The following SLC4A4 variants were observed in gnomAD, a reference collection of about 807,000 sequenced individuals.
SLC4A4 encodes the protein electrogenic sodium bicarbonate cotransporter 1.
SLC4A4 carries 27 observed loss-of-function variants against 111.5 expected under a neutral mutation model. That is an observed-to-expected ratio of 0.24 (90% CI 0.18 to 0.33). The LOEUF (loss-of-function observed/expected upper bound fraction) is 0.33. Among genes scored for constraint, SLC4A4 ranks in the 10% least tolerant of loss-of-function variants. The pLI, the probability that SLC4A4 is intolerant of heterozygous loss-of-function variation, is 1.00. For missense variants in SLC4A4, 909 were observed against 1,315.5 expected (o/e 0.69, Z 4.78); for synonymous variants, 443 against 463.4 (o/e 0.96, Z 0.57).
intron 6 of SLC4A4, among the ~76,000 whole-genome samples, chr4:71,364,377 T>C (rs1238877694): frequency 1.3e-5 from 2 of 152,200 alleles, no homozygotes; most frequent in South Asian, 2.1e-4. Flanking sequence ...AATTATTAAA[T>C]AAGCAGAATG....
chr4:71,113,361 T>C (rs1374164476), intron 2 of SLC4A4, among the ~76,000 whole-genome samples: 1 of 152,190 alleles, frequency 6.6e-6, no homozygotes, highest in Non-Finnish European at 1.5e-5. Flanking sequence ...AGGCCCCAGA[T>C]ACTTCATTAG....
Position 71,085,856 on chromosome 4 carries a change from C to T in SLC4A4, c.-64-6874C>T, listed in dbSNP as rs200517616. On this transcript the variant is annotated intron_variant, in intron 1 of 26. Coordinates refer to the SLC4A4 transcript ENST00000649996. ...GTAGCGTGATGCCTCCAGCTTTGTT[C>T]TTTTAGCTTAGGATTGACTTGGCAA... Among the ~76,000 whole-genome samples the T allele has an allele frequency of 5.7e-4, 86 of 152,084 alleles. No homozygotes were observed. The East Asian group carries it at 0.015, about 26-fold the overall frequency.
At position 71,213,727 on chromosome 4, in the gene SLC4A4, T is replaced by A. The variant is rs554088002; in HGVS notation, c.-1-22849T>A. On this transcript the variant is annotated intron_variant, in intron 1 of 25. Coordinates refer to ENST00000264485, the MANE Select transcript of SLC4A4 (RefSeq NM_001098484.3). ...AGACCTTTGGGAGGTAATTAGGTTA[T>A]GAGGGTGGAGCCCTCATCAATGGGA... 5.9e-5 allele frequency among the ~76,000 whole-genome samples: 9 copies of A among 152,246 alleles called. No homozygotes were observed. The East Asian group carries it at 9.7e-4, about 16-fold the overall frequency.
At chr4:71,330,317 C>A (rs1184322543) in intron 3 of SLC4A4, among the ~76,000 whole-genome samples, 1 of 152,058 alleles carries the variant, frequency 6.6e-6, no homozygotes, top group Non-Finnish European at 1.5e-5. Flanking sequence ...ATATAAGTCT[C>A]ATAGAATGAG....
chr4:71,178,091 A>T (rs892420618), intron 2 of SLC4A4, among the ~76,000 whole-genome samples: 40 of 152,318 alleles, frequency 2.6e-4, no homozygotes, highest in Middle Eastern at 3.4e-3. Context: ...TGGGTACATA[A>T]CGAAATGAAG....
At chr4:71,069,086 A>T (rs899563729) in intron 1 of SLC4A4, among the ~76,000 whole-genome samples, 1 of 152,226 alleles carries the variant, frequency 6.6e-6, no homozygotes, top group Non-Finnish European at 1.5e-5. Context: ...TTGCCTATAC[A>T]ATACATATTC....
chr4:71,495,946 C>T (rs111967737), intron 15 of SLC4A4, among the ~76,000 whole-genome samples: 113 of 152,094 alleles, frequency 7.4e-4, no homozygotes, highest in African/African-American at 2.4e-3. Flanking sequence ...AATCTCTTCC[C>T]AGGAAAGAGC....
At chr4:71,418,282 T>C (rs972832398) in intron 7 of SLC4A4, among the ~76,000 whole-genome samples, 1 of 152,196 alleles carries the variant, frequency 6.6e-6, no homozygotes, top group Non-Finnish European at 1.5e-5. Context: ...AAGGAAAAAT[T>C]AGAAAATCAA....
At chr4:71,155,949 T>G (rs1288206245) in intron 2 of SLC4A4, among the ~76,000 whole-genome samples, 2 of 152,226 alleles carry the variant, frequency 1.3e-5, no homozygotes, top group South Asian at 2.1e-4. Flanking sequence ...CGCATAAACT[T>G]TGCAAGTCAT....
chr4:71,421,206 C>A (rs1687460275), intron 7 of SLC4A4, among the ~76,000 whole-genome samples: 1 of 152,008 alleles, frequency 6.6e-6, no homozygotes, highest in African/African-American at 2.4e-5. Flanking sequence ...ATAAAACAGA[C>A]TTTAAACCAA....
chr4:71,272,464 G>A (rs1722767057), intron 3 of SLC4A4, among the ~76,000 whole-genome samples: 1 of 152,064 alleles, frequency 6.6e-6, no homozygotes, highest in Non-Finnish European at 1.5e-5. Context: ...GATCTTCCTG[G>A]CTCTAATTAG....
At chr4:71,316,273 A>T (rs1726668682) in intron 3 of SLC4A4, among the ~76,000 whole-genome samples, 1 of 152,166 alleles carries the variant, frequency 6.6e-6, no homozygotes, top group Non-Finnish European at 1.5e-5. Flanking sequence ...TTACTTTTGA[A>T]AAAGTCTTGC....
At position 71,338,913 on chromosome 4, in the gene SLC4A4, A is replaced by G. The variant is rs1188844272; in HGVS notation, c.254-457A>G. On this transcript the variant is annotated intron_variant, in intron 3 of 25. Transcript: ENST00000264485. ...AGGGCATGAGCTTTAGGCATTGGACAGAGGGAGGGTGGGTGGGAGGCGGGG... is the reference window on the plus strand; with the variant it reads ...AGGGCATGAGCTTTAGGCATTGGACGGAGGGAGGGTGGGTGGGAGGCGGGG... 4 of 349,140 alleles carry G rather than the reference A, an allele frequency of 1.1e-5. No individual in the cohort carries two copies. The Admixed American group carries it at 2.7e-4, about 24-fold the overall frequency. 21.6% of individuals were successfully genotyped at this position (349,140 alleles called of 1,614,324 possible).
At chr4:71,420,145 G>C (rs1722292677) in intron 7 of SLC4A4, among the ~76,000 whole-genome samples, 1 of 152,346 alleles carries the variant, frequency 6.6e-6, no homozygotes, top group South Asian at 2.1e-4. Flanking sequence ...ACTTAAAGGA[G>C]CTGATGGAGC....
chr4:71,192,856 A>G (rs1427970235), intron 1 of SLC4A4, among the ~76,000 whole-genome samples: 1 of 152,142 alleles, frequency 6.6e-6, no homozygotes, highest in Non-Finnish European at 1.5e-5. Context: ...TCTTCAAGTC[A>G]TTACTTCCCA....
chr4:71,192,528 G>A (rs914717291), intron 1 of SLC4A4, among the ~76,000 whole-genome samples: 3 of 152,132 alleles, frequency 2.0e-5, no homozygotes, highest in Non-Finnish European at 2.9e-5. Flanking sequence ...TGAAAACAGC[G>A]TGGTAGTAAA....
At chr4:71,228,560 A>G (rs1163485053) in intron 1 of SLC4A4, among the ~76,000 whole-genome samples, 1 of 152,216 alleles carries the variant, frequency 6.6e-6, no homozygotes, top group African/African-American at 2.4e-5. Context: ...AGGTTAGTTA[A>G]CTTTCTAAGC....
chr4:71,301,742 C>T (rs920513189), intron 3 of SLC4A4, among the ~76,000 whole-genome samples: 2 of 152,324 alleles, frequency 1.3e-5, no homozygotes, highest in East Asian at 1.9e-4. Flanking sequence ...CTGATGTCTT[C>T]AGTTTGGCCA....
At chr4:71,329,920 G>C (rs1362869800) in intron 3 of SLC4A4, among the ~76,000 whole-genome samples, 1 of 151,914 alleles carries the variant, frequency 6.6e-6, no homozygotes. Context: ...TCAGTTTTTT[G>C]CCATTCAGCA....
Sources: allele counts gnomAD v4.1 joint callset (sites outside exome capture counted in the v4.1 genomes callset), GRCh38; gene constraint gnomAD v4.1.1; transcripts MANE v1.5; gene names NCBI Gene and HGNC (gene_info 2026-07-23, HGNC 2026-07-21).